HYDIN: variants seen among roughly 807,000 people sequenced by gnomAD.
The protein encoded by HYDIN is HYDIN axonemal central pair apparatus protein.
In HYDIN, 132 loss-of-function variants were observed where a neutral mutation model predicts 403.9. That is an observed-to-expected ratio of 0.33 (90% confidence interval 0.28 to 0.38). The LOEUF is 0.38. Among genes scored for constraint, HYDIN ranks in the 10% least tolerant of loss-of-function variants. The pLI, the probability that HYDIN is intolerant of heterozygous loss-of-function variation, is 1.00. For synonymous variants in HYDIN, 1,202 were observed against 1,891.7 expected (o/e 0.64, Z 9.46); for missense variants, 2,827 against 5,009.5 (o/e 0.56, Z 13.15).
At chr16:70,999,710 C>T (rs201698290) in intron 23 of HYDIN, among the ~76,000 whole-genome samples, 20 of 149,042 alleles carry the variant, frequency 1.3e-4, no homozygotes, top group Non-Finnish European at 2.1e-4. Flanking sequence ...GAACCCACAA[C>T]GTAAGGAATA....
At chr16:71,013,059 T>A (rs1048191943) in intron 23 of HYDIN, among the ~76,000 whole-genome samples, 3 of 146,482 alleles carry the variant, frequency 2.0e-5, no homozygotes, top group African/African-American at 7.6e-5. Flanking sequence ...GCTCTGGGGC[T>A]CCAGAGGTGA....
rs1378735795 is a variant in HYDIN at position 71,141,279 on chromosome 16, T to C, written c.842-3927A>G. 2.0e-5 allele frequency among the ~76,000 whole-genome samples: 3 copies of C among 151,084 alleles called. No homozygotes were observed. The East Asian group carries it at 5.8e-4, about 29-fold the overall frequency. ...AAAAAGTATTGTTAGGACAACTTCATAGCCATATGAAAAAACATATCTCAT... is the reference window on the plus strand; with the variant it reads ...AAAAAGTATTGTTAGGACAACTTCACAGCCATATGAAAAAACATATCTCAT... On this transcript the variant is annotated intron_variant, in intron 7 of 85. Coordinates refer to ENST00000393567, the MANE Select transcript of HYDIN (RefSeq NM_001270974.2).
chr16:70,818,691 T>A (rs1040839644), intron 83 of HYDIN, 119 bp from the exon 84 acceptor site: 39 of 590,652 alleles, frequency 6.6e-5, no homozygotes, highest in Non-Finnish European at 1.2e-4. Context: ...GAAGCACAGG[T>A]ACCAGGCTGA....
intron 23 of HYDIN, among the ~76,000 whole-genome samples, chr16:70,994,180 C>T (rs1175085695): frequency 3.9e-5 from 6 of 151,900 alleles, no homozygotes; most frequent in Admixed American, 6.6e-5. Flanking sequence ...CACGGTGTCC[C>T]CTCTTTACAT....
intron 5 of HYDIN, among the ~76,000 whole-genome samples, chr16:71,163,185 C>T (rs1002662401): frequency 3.4e-4 from 50 of 148,932 alleles, no homozygotes; most frequent in African/African-American, 1.0e-3. Context: ...TGCAGTGGCG[C>T]AATCTCTGCT....
intron 1 of HYDIN, among the ~76,000 whole-genome samples, chr16:71,189,335 T>G (rs1182555536): frequency 6.6e-6 from 1 of 152,168 alleles, no homozygotes; most frequent in African/African-American, 2.4e-5. Flanking sequence ...GTAAGTGTTT[T>G]ACATATCAAA....
intron 50 of HYDIN, among the ~76,000 whole-genome samples, chr16:70,904,747 C>T (rs2076488395): frequency 6.6e-6 from 1 of 151,358 alleles, no homozygotes; most frequent in Non-Finnish European, 1.5e-5. Flanking sequence ...GATGATCCGC[C>T]TGCCTGGGCC....
intron 1 of HYDIN, chr16:71,204,070 A>C (rs184401791): frequency 4.9e-6 from 1 of 204,282 alleles, no homozygotes; most frequent in Admixed American, 5.6e-5. Flanking sequence ...GTCTCAAAAA[A>C]GTAAAGAAAA....
chr16:70,945,435 T>C (rs1296681480), intron 41 of HYDIN, among the ~76,000 whole-genome samples: 1 of 152,240 alleles, frequency 6.6e-6, no homozygotes, highest in African/African-American at 2.4e-5. Context: ...TCGAGAGAGA[T>C]TGAAAGGATA....
intron 21 of HYDIN, among the ~76,000 whole-genome samples, chr16:71,020,991 A>G (rs1283444147): frequency 6.6e-6 from 1 of 151,424 alleles, no homozygotes; most frequent in Non-Finnish European, 1.5e-5. Context: ...CATAAGACAA[A>G]GTCTAAAAAG....
At chr16:70,885,506 A>G (rs2041075931) in intron 58 of HYDIN, among the ~76,000 whole-genome samples, 1 of 152,080 alleles carries the variant, frequency 6.6e-6, no homozygotes, top group East Asian at 1.9e-4. Context: ...AGAACAGCTG[A>G]AATGAGCGGA....
intron 84 of HYDIN, among the ~76,000 whole-genome samples, chr16:70,818,108 C>G (rs1308595298): frequency 2.0e-5 from 3 of 152,008 alleles, no homozygotes; most frequent in Non-Finnish European, 4.4e-5. Flanking sequence ...AGAAAACAAA[C>G]AAATCACAGA....
intron 23 of HYDIN, among the ~76,000 whole-genome samples, chr16:71,015,555 G>C (rs370361339): frequency 4.1e-4 from 62 of 149,882 alleles, no homozygotes; most frequent in Middle Eastern, 3.4e-3. Context: ...ACCATCTACA[G>C]AATTTCATTC....
intron 9 of HYDIN, among the ~76,000 whole-genome samples, chr16:71,126,121 C>A (rs2084446447): frequency 6.6e-6 from 1 of 152,174 alleles, no homozygotes; most frequent in East Asian, 1.9e-4. Flanking sequence ...GCAAGGAACG[C>A]ACATGACCAC....
intron 10 of HYDIN, among the ~76,000 whole-genome samples, chr16:71,108,700 A>G (rs533044444): frequency 6.6e-6 from 1 of 152,254 alleles, no homozygotes; most frequent in Non-Finnish European, 1.5e-5. Context: ...ATGTATGGTT[A>G]TTATTTGTCA....
At chr16:70,914,994 G>A (rs1567820685) in intron 47 of HYDIN, among the ~76,000 whole-genome samples, 1 of 150,080 alleles carries the variant, frequency 6.7e-6, no homozygotes, top group Non-Finnish European at 1.5e-5. Flanking sequence ...AGTTTTGATT[G>A]TTTTTTATTT....
At chr16:70,982,258 C>A (rs1454330103) in intron 28 of HYDIN, among the ~76,000 whole-genome samples, 1 of 151,050 alleles carries the variant, frequency 6.6e-6, no homozygotes, top group Non-Finnish European at 1.5e-5. Context: ...TTAACAATTT[C>A]CTAGAAAAAT....
chr16:71,169,657 G>A (rs563547770), intron 5 of HYDIN, among the ~76,000 whole-genome samples: 1 of 152,300 alleles, frequency 6.6e-6, no homozygotes, highest in South Asian at 2.1e-4. Flanking sequence ...GTGATTCCCA[G>A]GGACTGGGGT....
At chr16:71,066,601 C>T (rs2082276671) in intron 15 of HYDIN, 2 of 236,398 alleles carry the variant, frequency 8.5e-6, no homozygotes, top group Non-Finnish European at 1.7e-5. Flanking sequence ...AGAGTGTGGC[C>T]CCAGGATTTT....
Sources: gnomAD v4.1 joint callset for allele counts (sites outside exome capture counted in the v4.1 genomes callset) on GRCh38, gnomAD v4.1.1 for gene constraint, MANE v1.5 for transcripts, NCBI Gene and HGNC (gene_info 2026-07-23, HGNC 2026-07-21) for gene names.